Variants in PLA2R1 observed in about 807,000 individuals in gnomAD.
PLA2R1 encodes the protein secretory phospholipase A2 receptor.
PLA2R1 carries 158 observed loss-of-function variants against 195.9 expected under a neutral mutation model. The observed-to-expected ratio is 0.81, with a 90% confidence interval of 0.71 to 0.92. The LOEUF (loss-of-function observed/expected upper bound fraction) is 0.92. Ranked by LOEUF, PLA2R1 falls within the 40% of genes least tolerant of loss-of-function variation. PLA2R1 has a pLI of 0.00. For synonymous variants in PLA2R1, 586 were observed against 598.2 expected, an observed-to-expected ratio of 0.98 and a Z score of 0.30; for missense variants, 1,626 against 1,764.6, an observed-to-expected ratio of 0.92 and a Z score of 1.41.
chr2:160,047,502 A>G (rs993622801), intron 1 of PLA2R1, among the ~76,000 whole-genome samples: 1 of 152,222 alleles, frequency 6.6e-6, no homozygotes, highest in Non-Finnish European at 1.5e-5. Context: ...CAGTTTCTGC[A>G]GCACACAGTG....
intron 1 of PLA2R1, among the ~76,000 whole-genome samples, chr2:160,051,472 G>A (rs1196305299): frequency 1.3e-5 from 2 of 152,238 alleles, no homozygotes; most frequent in African/African-American, 4.8e-5. Flanking sequence ...CAGGGATGCA[G>A]TCCAGAAGGA....
At position 159,938,668 on chromosome 2, in the gene PLA2R1, C is replaced by A. The variant is rs80275991; in HGVS notation, c.*3110G>T. The A allele has an allele frequency of 0.015, 2,261 of 152,470 alleles. 45 individuals carry two copies. Among genetic ancestry groups the A allele is most frequent in the African/African-American group, 0.052 (2,150 of 41,550 alleles). 9.4% of individuals were successfully genotyped at this position (152,470 alleles called of 1,614,324 possible). On this transcript the variant is annotated 3_prime_UTR_variant, in exon 30 of 30. Coordinates refer to ENST00000283243, the MANE Select transcript of PLA2R1 (RefSeq NM_007366.5). ...GCCAGCAGAATTCCCAGGAGTGAGGCCAGACAGCTATTCTCAGTGGACACC... is the reference window on the plus strand; with the variant it reads ...GCCAGCAGAATTCCCAGGAGTGAGGACAGACAGCTATTCTCAGTGGACACC...
In PLA2R1 at chr2:159,987,195, CAA is replaced by C. The variant is rs751682825; in HGVS notation, c.1996_1997del (p.Leu666GlyfsTer17). 2 of 1,614,058 alleles carry C rather than the reference CAA, an allele frequency of 1.2e-6. No individual in the cohort carries two copies. The highest frequency in any genetic ancestry group is 2.2e-5 in the South Asian group (2 of 91,068). ...EERWPFHPCY[L>X]DWESEPGLAS... ...CCAGACCAGGCTCTGACTCCCAGTC[CAA>C]ATAGCAGGGGTGAAAGGGCCATCTC... On this transcript the variant is annotated frameshift_variant, in exon 12 of 30. Transcript: ENST00000283243. LOFTEE classifies it high-confidence loss of function.
At chr2:159,931,717 T>C (rs930743078), downstream of PLA2R1, among the ~76,000 whole-genome samples, 4 of 152,282 alleles carry the variant, frequency 2.6e-5, no homozygotes, top group African/African-American at 7.2e-5. Flanking sequence ...TTTGTATTTT[T>C]TTCAGAGACA....
intron 20 of PLA2R1, among the ~76,000 whole-genome samples, chr2:159,957,516 G>A (rs1282783023): frequency 2.0e-5 from 3 of 151,984 alleles, no homozygotes; most frequent in Non-Finnish European, 4.4e-5. Flanking sequence ...CACCATGCCT[G>A]GCTAATTTTT....
intron 22 of PLA2R1, 97 bp from the exon 23 acceptor site, chr2:159,955,443 C>A: frequency 4.0e-6 from 3 of 746,448 alleles, no homozygotes; most frequent in Non-Finnish European, 6.4e-6. Flanking sequence ...ATTAAGACAC[C>A]ATTATTCCTT....
intron 4 of PLA2R1, among the ~76,000 whole-genome samples, chr2:160,029,768 G>A (rs1358057120): frequency 6.6e-6 from 1 of 151,960 alleles, no homozygotes; most frequent in Non-Finnish European, 1.5e-5. Context: ...AAAATTTCGG[G>A]GGGAAAAAAA....
At position 160,034,690 on chromosome 2, in the gene PLA2R1, T is replaced by C. The variant is rs146760993; in HGVS notation, c.668-1558A>G. On this transcript the variant is annotated intron_variant, in intron 3 of 29. Transcript: ENST00000283243. ...GCTCATGCCTGTAATTCTAGCACTT[T>C]GGGAGGCTGAAGCGGGAGGATCACT... 8.0e-3 allele frequency among the ~76,000 whole-genome samples: 1,225 copies of C among 152,246 alleles called. 12 individuals are homozygous for C. Among genetic ancestry groups the C allele is most frequent in the Non-Finnish European group, 0.013 (870 of 68,026 alleles).
Position 159,967,659 on chromosome 2 carries a change from C to T in PLA2R1, c.2784G>A (p.Glu928=), listed in dbSNP as rs1185472549. ...SSITGLWGSE[E]CSVSMPSICK... Reference sequence around the variant, plus strand: ...AGATACTAGGCATAGAAACTGAACACTCTTCACTACCCCAGAGTCCTGGAG... The same window carrying T: ...AGATACTAGGCATAGAAACTGAACATTCTTCACTACCCCAGAGTCCTGGAG... Residue 928 remains glutamate (E), a synonymous_variant, in exon 20 of 30, where the codon GAG becomes GAA. Transcript: ENST00000283243. 20 of 1,613,592 alleles carry T rather than the reference C, an allele frequency of 1.2e-5. No individual in the cohort carries two copies. Among genetic ancestry groups the T allele is most frequent in the South Asian group, 3.3e-5 (3 of 91,060 alleles).
At chr2:159,984,106 TATAG>T (rs763192259) in intron 12 of PLA2R1, 33 bp from the exon 13 acceptor site, 44 of 1,081,494 alleles carry the variant, frequency 4.1e-5, no homozygotes, top group African/African-American at 3.5e-4. Flanking sequence ...TTAACATTGT[TATAG>T]ATAAAGTCAG....
intron 17 of PLA2R1, among the ~76,000 whole-genome samples, chr2:159,973,354 C>T (rs1396650527): frequency 6.6e-6 from 1 of 151,766 alleles, no homozygotes; most frequent in African/African-American, 2.4e-5. Context: ...ATCCTTTCCC[C>T]TTGGACCCCA....
chr2:159,955,158 A>G (rs371551083), intron 23 of PLA2R1, 41 bp downstream of exon 23: 52 of 1,510,266 alleles, frequency 3.4e-5, no homozygotes, highest in Non-Finnish European at 5.5e-6. Context: ...AGAAGGATGG[A>G]CTTTGGAAAT....
chr2:160,024,537 T>C lies in PLA2R1; in HGVS notation c.1100-1678A>G, dbSNP rs149884516. Among the ~76,000 whole-genome samples, 412 of 152,258 alleles carry C rather than the reference T, an allele frequency of 2.7e-3. 3 individuals carry two copies. In the Middle Eastern group the frequency reaches 0.071, roughly 26 times the overall value. On this transcript the variant is annotated intron_variant, in intron 6 of 29. Coordinates refer to ENST00000283243, the MANE Select transcript of PLA2R1 (RefSeq NM_007366.5). Reference sequence around the variant, plus strand: ...CCAAAACAGTCACACCCCAGGCACCTGAGCTGAAGTGGCTCTCAAATCCAG... The same window carrying C: ...CCAAAACAGTCACACCCCAGGCACCCGAGCTGAAGTGGCTCTCAAATCCAG...
At chr2:159,971,928 T>G (rs1574703402) in intron 17 of PLA2R1, among the ~76,000 whole-genome samples, 2 of 152,118 alleles carry the variant, frequency 1.3e-5, no homozygotes, top group Non-Finnish European at 1.5e-5. Context: ...CCCTGAGGTG[T>G]TGTTTCGTGG....
At chr2:159,994,628 G>A (rs2105350609) in intron 11 of PLA2R1, among the ~76,000 whole-genome samples, 1 of 152,072 alleles carries the variant, frequency 6.6e-6, no homozygotes, top group South Asian at 2.1e-4. Context: ...ATGATGTTGA[G>A]GATTTGTTAT....
chr2:159,994,531 A>C (rs1456505956), intron 11 of PLA2R1, among the ~76,000 whole-genome samples: 1 of 152,122 alleles, frequency 6.6e-6, no homozygotes, highest in Non-Finnish European at 1.5e-5. Context: ...TAATTACTTT[A>C]AGGGGTGATA....
At chr2:160,013,675 T>C (rs7560040) in intron 9 of PLA2R1, among the ~76,000 whole-genome samples, 5,307 of 64,450 alleles carry the variant, frequency 0.082, 197 homozygotes, top group East Asian at 0.28. Flanking sequence ...ACCTCTCTCT[T>C]TCTCTCTCTC....
In PLA2R1 at chr2:160,013,689, CTCTCTCTCTCTCTG is replaced by C. The variant is rs1391390804; in HGVS notation, c.1552-328_1552-315del. ...TACCTCTCTCTTTCTCTCTCTCTCT[CTCTCTCTCTCTCTG>C]TCTCTCTCTCTCTCTCTCTGTGTGT... On this transcript the variant is annotated intron_variant, in intron 9 of 29. Transcript: ENST00000283243. Among the ~76,000 whole-genome samples, 156 of 141,514 alleles carry C rather than the reference CTCTCTCTCTCTCTG, an allele frequency of 1.1e-3. No homozygotes were observed. The East Asian group carries it at 0.017, about 15-fold the overall frequency. The allele number at this position is 141,514 out of a possible 152,430, so 92.8% of individuals were successfully genotyped here.
At chr2:160,040,723 T>A (rs1176169169) in intron 3 of PLA2R1, among the ~76,000 whole-genome samples, 2 of 152,226 alleles carry the variant, frequency 1.3e-5, no homozygotes, top group African/African-American at 4.8e-5. Context: ...CTAAAACTCT[T>A]GGCATTCACC....
Sources: allele counts gnomAD v4.1 joint callset (sites outside exome capture counted in the v4.1 genomes callset), GRCh38; gene constraint gnomAD v4.1.1; transcripts MANE v1.5; gene names NCBI Gene and HGNC (gene_info 2026-07-23, HGNC 2026-07-21).